The following SAMHD1 variants were observed in gnomAD, a reference collection of about 807,000 sequenced individuals.
The protein encoded by SAMHD1 is SAM and HD domain containing deoxynucleoside triphosphate triphosphohydrolase 1.
Under a neutral mutation model 79.6 loss-of-function variants are expected in SAMHD1, and 54 were observed. The observed-to-expected ratio is 0.68, with a 90% confidence interval of 0.55 to 0.85. The LOEUF is 0.85. Among genes scored for constraint, SAMHD1 ranks in the 40% least tolerant of loss-of-function variants. SAMHD1 has a pLI of 0.00. For synonymous variants in SAMHD1, 260 were observed against 264.1 expected, an observed-to-expected ratio of 0.98 and a Z score of 0.15; for missense variants, 663 against 782.7, an observed-to-expected ratio of 0.85 and a Z score of 1.82.
intron 9 of SAMHD1, among the ~76,000 whole-genome samples, chr20:36,914,651 C>T (rs1367437190): frequency 1.3e-5 from 2 of 151,844 alleles, no homozygotes; most frequent in Admixed American, 6.6e-5. Flanking sequence ...TGAGCCACCA[C>T]GCCTGGCCTT....
chr20:36,907,282 C>G (rs1004726258), intron 11 of SAMHD1, among the ~76,000 whole-genome samples: 8 of 151,384 alleles, frequency 5.3e-5, no homozygotes, highest in African/African-American at 1.9e-4. Context: ...GTTTTTGAGA[C>G]AGGGTCTCGC....
In SAMHD1 at chr20:36,901,418, C is replaced by A. The variant is rs147828056; in HGVS notation, c.1503+2739G>T. On this transcript the variant is annotated intron_variant, in intron 13 of 15. Coordinates refer to ENST00000646673, the MANE Select transcript of SAMHD1 (RefSeq NM_015474.4). ...TTCAGCCTGGGGCACAGAGAGAGAC[C>A]CTGTCTCAAGATAAACAAAAGTTTA... Among the ~76,000 whole-genome samples the A allele has an allele frequency of 5.3e-5, 8 of 152,226 alleles. No homozygotes were observed. In the East Asian group the frequency reaches 1.4e-3, roughly 26 times the overall value.
At chr20:36,904,087 A>G in intron 13 of SAMHD1, 70 bp downstream of exon 13, 1 of 1,043,408 alleles carries the variant, frequency 9.6e-7, no homozygotes, top group Non-Finnish European at 1.5e-6. Flanking sequence ...AACATGTACT[A>G]CTTTTATAAT....
At chr20:36,912,999 C>CTTT (rs747354843) in intron 9 of SAMHD1, among the ~76,000 whole-genome samples, 3 of 106,330 alleles carry the variant, frequency 2.8e-5, no homozygotes, top group African/African-American at 3.8e-5. Flanking sequence ...TTCTTTCTTC[C>CTTT]TTTTTTTTTT....
In SAMHD1 at chr20:36,937,856, G is replaced by T. The variant is rs991277134; in HGVS notation, c.349-2667C>A. Among the ~76,000 whole-genome samples the T allele has an allele frequency of 2.1e-3, 253 of 119,130 alleles. 2 individuals are homozygous for T. Among genetic ancestry groups the T allele is most frequent in the African/African-American group, 8.6e-3 (233 of 27,152 alleles). The allele number at this position is 119,130 out of a possible 152,430, so 78.2% of individuals were successfully genotyped here. A position where few individuals can be genotyped will look rare whatever the true frequency, so the allele number is the denominator to read the frequency against. ...TTATAAATGAGGTTAAACAATGTTGGTTTGTTTTTTTTTTTTTTTGAGACA... is the reference window on the plus strand; with the variant it reads ...TTATAAATGAGGTTAAACAATGTTGTTTTGTTTTTTTTTTTTTTTGAGACA... On this transcript the variant is annotated intron_variant, in intron 3 of 15. Transcript: ENST00000646673.
chr20:36,937,996 C>T (rs1039825959), intron 3 of SAMHD1, among the ~76,000 whole-genome samples: 4 of 151,618 alleles, frequency 2.6e-5, no homozygotes, highest in Admixed American at 2.0e-4. Flanking sequence ...GTAGCTGGGA[C>T]TACAGGTGTG....
At chr20:36,932,274 C>T (rs1393110492) in intron 4 of SAMHD1, among the ~76,000 whole-genome samples, 1 of 147,210 alleles carries the variant, frequency 6.8e-6, no homozygotes, top group Non-Finnish European at 1.5e-5. Context: ...TCACTTGAAC[C>T]GAGGAGGCGG....
At chr20:36,900,066 C>G (rs1339822632) in intron 13 of SAMHD1, among the ~76,000 whole-genome samples, 6 of 149,864 alleles carry the variant, frequency 4.0e-5, no homozygotes, top group Non-Finnish European at 5.9e-5. Flanking sequence ...CGTACTCCAA[C>G]CTGGGTGACA....
intron 6 of SAMHD1, among the ~76,000 whole-genome samples, chr20:36,921,469 G>C (rs990485410): frequency 1.3e-5 from 2 of 151,082 alleles, no homozygotes; most frequent in African/African-American, 4.9e-5. Context: ...CTTTATAATG[G>C]AGAGATTTGA....
At chr20:36,934,878 G>A (rs2063593270) in intron 4 of SAMHD1, 151 bp downstream of exon 4, 1 of 726,132 alleles carries the variant, frequency 1.4e-6, no homozygotes, top group Non-Finnish European at 2.4e-6. Flanking sequence ...GGCTGGTCTT[G>A]AACTCCTGAC....
chr20:36,930,590 C>G (rs2063562547), intron 5 of SAMHD1, among the ~76,000 whole-genome samples, 170 bp downstream of exon 5: 1 of 152,044 alleles, frequency 6.6e-6, no homozygotes, highest in Non-Finnish European at 1.5e-5. Flanking sequence ...GCAATGTTTT[C>G]TACTTATGAA....
In SAMHD1 at chr20:36,904,177, C is replaced by A; in HGVS notation, c.1483G>T (p.Ala495Ser). The stretch of plus-strand genomic sequence containing the variant: ...CTTACATCCACTATAAAATCTTCAG[C>A]CTTCAGTTTCACGTCTAGCAATACT... ...PKVLLDVKLK[A>S]EDFIVDVINM... The change falls in exon 13 of 16, where the codon GCT becomes TCT. Residue 495 changes from alanine to serine, a missense_variant. By Grantham distance (99) the Ala-to-Ser change is moderately conservative. Transcript: ENST00000646673. 6.2e-7 allele frequency: 1 copy of A among 1,612,598 alleles called. No homozygotes were observed. Among genetic ancestry groups the A allele is most frequent in the African/African-American group, 1.3e-5 (1 of 74,978 alleles).
Position 36,930,661 on chromosome 20 carries a change from A to G in SAMHD1, c.625+99T>C, listed in dbSNP as rs544287747. 1.1e-3 allele frequency: 924 copies of G among 840,254 alleles called. 2 individuals carry two copies. The highest frequency in any genetic ancestry group is 1.7e-3 in the Non-Finnish European group (798 of 482,726). The allele number at this position is 840,254 out of a possible 1,614,324, so 52.0% of individuals were successfully genotyped here. ...ACATCAACTGAAGAATTAAAATACA[A>G]TTTCCATATTCTCTTGGTTGATCTG... On this transcript the variant is annotated intron_variant, in intron 5 of 15. Transcript: ENST00000646673.
At chr20:36,918,619 T>A (rs1261811792) in intron 7 of SAMHD1, among the ~76,000 whole-genome samples, 1 of 151,288 alleles carries the variant, frequency 6.6e-6, no homozygotes, top group African/African-American at 2.4e-5. Context: ...CTGGGCAACA[T>A]GGTGAAACCC....
intron 9 of SAMHD1, among the ~76,000 whole-genome samples, chr20:36,913,894 C>T (rs1182176863): frequency 6.6e-6 from 1 of 151,656 alleles, no homozygotes; most frequent in Non-Finnish European, 1.5e-5. Context: ...GCTGGGATTA[C>T]AGGTGTATGC....
chr20:36,909,991 G>A (rs984547837), intron 11 of SAMHD1, among the ~76,000 whole-genome samples: 4 of 151,984 alleles, frequency 2.6e-5, no homozygotes, highest in Non-Finnish European at 5.9e-5. Flanking sequence ...TTCGGAGGCT[G>A]AGGCAGGCGG....
Position 36,943,254 on chromosome 20 carries a change from G to A in SAMHD1, c.276-2143C>T, listed in dbSNP as rs752935679. ...GGCTAATCCCACTGGCAACCTGTAA[G>A]GCAGCACTGTCTAGTAGAACTTTCT... On this transcript the variant is annotated intron_variant, in intron 2 of 15. Transcript: ENST00000646673. Among the ~76,000 whole-genome samples the A allele has an allele frequency of 3.3e-4, 50 of 152,202 alleles. 1 individual carries two copies. Among genetic ancestry groups the A allele is most frequent in the Non-Finnish European group, 1.3e-4 (9 of 68,048 alleles).
intron 1 of SAMHD1, among the ~76,000 whole-genome samples, chr20:36,948,436 AG>A (rs1225606323): frequency 9.2e-5 from 14 of 151,900 alleles, no homozygotes; most frequent in Non-Finnish European, 1.8e-4. Flanking sequence ...TATTTTTAGT[AG>A]AGACGGTGTT....
chr20:36,904,578 G>A (rs759978687), intron 12 of SAMHD1: 15 of 335,554 alleles, frequency 4.5e-5, no homozygotes, highest in Admixed American at 1.7e-4. Context: ...TTAGCTGGGC[G>A]TGGTGGCGGG....
Sources: gnomAD v4.1 joint callset for allele counts (sites outside exome capture counted in the v4.1 genomes callset) on GRCh38, gnomAD v4.1.1 for gene constraint, MANE v1.5 for transcripts, NCBI Gene and HGNC (gene_info 2026-07-23, HGNC 2026-07-21) for gene names.